Variants in PEAK1 observed in about 807,000 individuals in gnomAD.
PEAK1 encodes inactive tyrosine-protein kinase PEAK1.
A neutral mutation model predicts 124.7 loss-of-function variants in PEAK1; 54 were observed. The ratio of observed to expected loss-of-function variants is 0.43; its 90% CI spans 0.35 to 0.54. The LOEUF (loss-of-function observed/expected upper bound fraction) is 0.54, where lower values mean the gene tolerates loss of function less well. PEAK1 is among the 20% of genes least tolerant of loss of function. The pLI is 0.01. For synonymous variants in PEAK1, 719 were observed against 760.0 expected, an observed-to-expected ratio of 0.95 and a Z score of 0.89; for missense variants, 2,046 against 2,134.5, an observed-to-expected ratio of 0.96 and a Z score of 0.82.
At chr15:77,278,630 G>A in intron 5 of PEAK1, 1 of 518,492 alleles carries the variant, frequency 1.9e-6, no homozygotes, top group South Asian at 1.4e-5. Flanking sequence ...ACTCAAAGGA[G>A]AAATGGGAAA....
chr15:77,251,757 T>C (rs1347645362), intron 6 of PEAK1, among the ~76,000 whole-genome samples: 1 of 150,784 alleles, frequency 6.6e-6, no homozygotes, highest in African/African-American at 2.5e-5. Context: ...GTGAATGTAC[T>C]GTTGCCATGG....
At position 77,133,787 on chromosome 15, in the gene PEAK1, A is replaced by G. The variant is rs757846804; in HGVS notation, c.3332-37T>C. ...TTAAAGCAATAAAAAGAAAAGAGTAAGTAAAGTTTTCAATCTAATTTTATA... is the reference window on the plus strand; with the variant it reads ...TTAAAGCAATAAAAAGAAAAGAGTAGGTAAAGTTTTCAATCTAATTTTATA... On this transcript the variant is annotated intron_variant, in intron 8 of 9. Coordinates refer to ENST00000682557, the MANE Select transcript of PEAK1 (RefSeq NM_001385026.1). The surrounding 1 kb of genome is among the most constrained non-coding windows in gnomAD (Gnocchi z 4.2). 5 of 1,510,570 alleles carry G rather than the reference A, an allele frequency of 3.3e-6. No individual in the cohort carries two copies. The highest frequency in any genetic ancestry group is 4.4e-6 in the Non-Finnish European group (5 of 1,132,864). The allele number at this position is 1,510,570 out of a possible 1,614,324, so 93.6% of individuals were successfully genotyped here.
chr15:77,367,702 G>A (rs185977411), intron 1 of PEAK1, among the ~76,000 whole-genome samples: 63 of 152,238 alleles, frequency 4.1e-4, no homozygotes, highest in Admixed American at 6.5e-4. Context: ...CTTAAGTTAT[G>A]TACTTTCAAA....
intron 1 of PEAK1, chr15:77,418,351 TC>T: frequency 1.0e-6 from 1 of 985,288 alleles, no homozygotes; most frequent in Non-Finnish European, 1.2e-6. Flanking sequence ...TGACATTTTT[TC>T]CCACATAATG....
intron 7 of PEAK1, among the ~76,000 whole-genome samples, chr15:77,162,151 A>T (rs1449256516): frequency 6.6e-6 from 1 of 152,082 alleles, no homozygotes; most frequent in Non-Finnish European, 1.5e-5. Context: ...GGAAGAAAGA[A>T]AAAAAGGAAA....
At chr15:77,258,204 A>C (rs148656347) in intron 5 of PEAK1, among the ~76,000 whole-genome samples, 25 of 152,126 alleles carry the variant, frequency 1.6e-4, no homozygotes, top group African/African-American at 5.6e-4. Flanking sequence ...TTGACTTGGC[A>C]ATGCGGGCTC....
intron 2 of PEAK1, chr15:77,348,352 G>C: frequency 1.1e-6 from 1 of 887,076 alleles, no homozygotes; most frequent in Non-Finnish European, 1.3e-6. Context: ...AAATAAAACA[G>C]GTTAAATTTA....
chr15:77,188,545 G>C (rs971978325), intron 6 of PEAK1, among the ~76,000 whole-genome samples: 139 of 152,242 alleles, frequency 9.1e-4, no homozygotes, highest in African/African-American at 3.2e-3. Context: ...CATCAGAGAA[G>C]AAGTTAAAGT....
chr15:77,180,137 C>A lies in PEAK1; in HGVS notation c.1790G>T (p.Ser597Ile). ...SPNLSEIKFN[S>I]YNNAGMPPFP... is the part of the protein sequence containing the mutation. Reference sequence around the variant, plus strand: ...AGGTGGCATACCAGCATTGTTATAACTATTAAATTTAATTTCAGACAAATT... The same window carrying A: ...AGGTGGCATACCAGCATTGTTATAAATATTAAATTTAATTTCAGACAAATT... The change falls in exon 7 of 10, where the codon AGT (serine) becomes ATT (isoleucine). Residue 597 changes from serine to isoleucine, a missense_variant. Transcript: ENST00000682557. 6.2e-7 allele frequency: 1 copy of A among 1,614,122 alleles called. No homozygotes were observed. Among genetic ancestry groups the A allele is most frequent in the African/African-American group, 1.3e-5 (1 of 75,040 alleles).
chr15:77,401,462 T>C (rs866319063), intron 1 of PEAK1: 4 of 918,980 alleles, frequency 4.4e-6, no homozygotes, highest in Non-Finnish European at 5.2e-6. Context: ...CCAGACACCA[T>C]GACAGTCAAT....
At chr15:77,268,861 A>G (rs1390802979) in intron 5 of PEAK1, among the ~76,000 whole-genome samples, 1 of 152,166 alleles carries the variant, frequency 6.6e-6, no homozygotes, top group African/African-American at 2.4e-5. Context: ...TCCTATCTTT[A>G]GCCTCCTTAA....
At chr15:77,202,398 T>C (rs2058403299) in intron 6 of PEAK1, among the ~76,000 whole-genome samples, 1 of 152,180 alleles carries the variant, frequency 6.6e-6, no homozygotes, top group Non-Finnish European at 1.5e-5. Context: ...ACACATATTT[T>C]GTACATTGTA....
chr15:77,189,741 A>C (rs1325256509), intron 6 of PEAK1, among the ~76,000 whole-genome samples: 2 of 152,168 alleles, frequency 1.3e-5, no homozygotes, highest in Non-Finnish European at 2.9e-5. Flanking sequence ...GGGCCACTGA[A>C]GTGGCTGGTT....
intron 6 of PEAK1, among the ~76,000 whole-genome samples, chr15:77,191,042 A>T (rs1242727094): frequency 6.6e-6 from 1 of 152,236 alleles, no homozygotes; most frequent in Non-Finnish European, 1.5e-5. Context: ...GTAAAATTAT[A>T]ATAATGTACG....
At chr15:77,416,685 C>G (rs1378572290) in intron 1 of PEAK1, among the ~76,000 whole-genome samples, 1 of 152,134 alleles carries the variant, frequency 6.6e-6, no homozygotes, top group Non-Finnish European at 1.5e-5. Flanking sequence ...TGTCCACTCA[C>G]CTGCAGCTAT....
chr15:77,288,310 T>C (rs1435265099), intron 2 of PEAK1, among the ~76,000 whole-genome samples: 1 of 152,098 alleles, frequency 6.6e-6, no homozygotes, highest in Non-Finnish European at 1.5e-5. Flanking sequence ...TCCCATATAT[T>C]CTCATGCTGT....
At chr15:77,348,224 C>T in intron 2 of PEAK1, 1 of 973,210 alleles carries the variant, frequency 1.0e-6, no homozygotes, top group Non-Finnish European at 1.2e-6. Context: ...CAGAGACCCA[C>T]CTGTACTGGA....
chr15:77,232,675 C>T (rs959313335), intron 6 of PEAK1, among the ~76,000 whole-genome samples: 1 of 152,178 alleles, frequency 6.6e-6, no homozygotes, highest in East Asian at 1.9e-4. Context: ...TTAAGGATAA[C>T]CTTTCTACTT....
chr15:77,157,689 T>C (rs1039456196), intron 8 of PEAK1: 8 of 152,220 alleles, frequency 5.3e-5, no homozygotes, highest in African/African-American at 1.9e-4. Context: ...GGATACATTA[T>C]AGATTCTTTA....
Sources: allele counts gnomAD v4.1 joint callset (sites outside exome capture counted in the v4.1 genomes callset), GRCh38; gene constraint gnomAD v4.1.1; non-coding constraint Gnocchi (gnomAD v3.1); transcripts MANE v1.5; gene names NCBI Gene and HGNC (gene_info 2026-07-23, HGNC 2026-07-21).